SPECC1: variants seen among roughly 807,000 people sequenced by gnomAD.
SPECC1 encodes the protein sperm antigen with calponin homology and coiled-coil domains 1.
SPECC1 carries 62 observed loss-of-function variants against 104.1 expected under a neutral mutation model. The ratio of observed to expected loss-of-function variants is 0.60; its 90% CI spans 0.49 to 0.74. SPECC1 has a LOEUF of 0.74. Among genes scored for constraint, SPECC1 ranks in the 30% least tolerant of loss-of-function variants. The pLI, the probability that SPECC1 is intolerant of heterozygous loss-of-function variation, is 0.00. For synonymous variants in SPECC1, 513 were observed against 501.6 expected, an observed-to-expected ratio of 1.02 and a Z score of -0.30; for missense variants, 1,306 against 1,310.5, an observed-to-expected ratio of 1.00 and a Z score of 0.05.
chr17:20,309,137 C>T (rs993345103), intron 14 of SPECC1, among the ~76,000 whole-genome samples: 11 of 152,070 alleles, frequency 7.2e-5, no homozygotes, highest in Non-Finnish European at 1.3e-4. Context: ...AGCACTTTCC[C>T]GGCTTTTTCC....
At chr17:20,222,085 G>A (rs575392537) in intron 4 of SPECC1, among the ~76,000 whole-genome samples, 58 of 150,946 alleles carry the variant, frequency 3.8e-4, no homozygotes, top group African/African-American at 1.3e-3. Flanking sequence ...TGTAATCCCA[G>A]CGCTTTGGGA....
chr17:20,316,648 G>C lies in SPECC1; in HGVS notation c.*2583G>C, dbSNP rs750245522. On this transcript the variant is annotated 3_prime_UTR_variant, in exon 15 of 15. Coordinates refer to ENST00000395527, the MANE Select transcript of SPECC1 (RefSeq NM_001243439.2). Reference sequence around the variant, plus strand: ...GCCTCCCAAAGTGCTGGGATTACAGGCATGAGCCACTGAGCCCGGCTGTTT... The same window carrying C: ...GCCTCCCAAAGTGCTGGGATTACAGCCATGAGCCACTGAGCCCGGCTGTTT... 5.4e-6 allele frequency: 1 copy of C among 185,784 alleles called. No homozygotes were observed. Among genetic ancestry groups the C allele is most frequent in the Non-Finnish European group, 1.1e-5 (1 of 88,016 alleles). The allele number at this position is 185,784 out of a possible 1,614,324, so 11.5% of individuals were successfully genotyped here.
At chr17:20,031,460 C>CA (rs2044808912) in intron 1 of SPECC1, among the ~76,000 whole-genome samples, 1 of 152,154 alleles carries the variant, frequency 6.6e-6, no homozygotes, top group Non-Finnish European at 1.5e-5. Context: ...GCTGGGATTA[C>CA]AGGTGCCCGC....
intron 9 of SPECC1, among the ~76,000 whole-genome samples, chr17:20,249,766 G>A (rs372248037): frequency 1.3e-5 from 2 of 152,168 alleles, no homozygotes; most frequent in East Asian, 1.9e-4. Context: ...CTGAACTGAA[G>A]CACAGAGAAA....
chr17:20,025,314 A>G (rs904184521), intron 1 of SPECC1, among the ~76,000 whole-genome samples: 1 of 152,182 alleles, frequency 6.6e-6, no homozygotes, highest in African/African-American at 2.4e-5. Flanking sequence ...ATCAATTTCT[A>G]TGTTTAAGCT....
chr17:20,262,766 G>A (rs1179816520), intron 12 of SPECC1, among the ~76,000 whole-genome samples: 1 of 152,154 alleles, frequency 6.6e-6, no homozygotes, highest in Non-Finnish European at 1.5e-5. Context: ...TAGTAAATTA[G>A]CAGGGCTGGG....
At position 20,160,809 on chromosome 17, in the gene SPECC1, A is replaced by G. The variant is rs114251810; in HGVS notation, c.284-43524A>G. 4.2e-3 allele frequency among the ~76,000 whole-genome samples: 644 copies of G among 152,252 alleles called. 3 individuals are homozygous for G. Among genetic ancestry groups the G allele is most frequent in the African/African-American group, 0.014 (565 of 41,546 alleles). On this transcript the variant is annotated intron_variant, in intron 3 of 14. Transcript: ENST00000395527. ...TTGTTAGTTTTCAAGCCTCTCTACT[A>G]CTAACCTGCACTATGAAAGTTGAGG...
intron 3 of SPECC1, among the ~76,000 whole-genome samples, chr17:20,183,013 T>G (rs1256673178): frequency 6.6e-6 from 1 of 152,154 alleles, no homozygotes; most frequent in African/African-American, 2.4e-5. Flanking sequence ...GGGAAAACAT[T>G]ATAAAATATG....
intron 12 of SPECC1, among the ~76,000 whole-genome samples, chr17:20,272,073 G>C (rs1419575923): frequency 6.6e-6 from 1 of 151,262 alleles, no homozygotes; most frequent in Non-Finnish European, 1.5e-5. Context: ...GATGTGCCTT[G>C]CTCTATAGCT....
intron 10 of SPECC1, among the ~76,000 whole-genome samples, chr17:20,256,552 T>C (rs2039837132): frequency 6.6e-6 from 1 of 152,230 alleles, no homozygotes; most frequent in African/African-American, 2.4e-5. Context: ...CTTTCTTCTG[T>C]GACTATTCAC....
At chr17:20,132,164 TTTC>T (rs1256238092) in intron 3 of SPECC1, among the ~76,000 whole-genome samples, 1 of 152,198 alleles carries the variant, frequency 6.6e-6, no homozygotes, top group Non-Finnish European at 1.5e-5. Flanking sequence ...TTATGTGACT[TTTC>T]TTAGCCTGTT....
intron 4 of SPECC1, among the ~76,000 whole-genome samples, chr17:20,218,575 TTCTC>T (rs1177990663): frequency 6.6e-6 from 1 of 151,918 alleles, no homozygotes; most frequent in African/African-American, 2.4e-5. Flanking sequence ...CCCAGGCTGT[TTCTC>T]TCTCTCTTCT....
chr17:20,213,595 G>T (rs1208492960), intron 4 of SPECC1, among the ~76,000 whole-genome samples: 1 of 152,210 alleles, frequency 6.6e-6, no homozygotes, highest in Non-Finnish European at 1.5e-5. Context: ...GAAATTCACA[G>T]TGAAAACCTG....
intron 12 of SPECC1, among the ~76,000 whole-genome samples, chr17:20,286,725 C>T (rs759277099): frequency 1.3e-5 from 2 of 152,208 alleles, no homozygotes; most frequent in African/African-American, 4.8e-5. Context: ...GCTTCCTTGA[C>T]CTCTCTGGTC....
chr17:20,269,452 T>G (rs1419228865), intron 12 of SPECC1, among the ~76,000 whole-genome samples: 1 of 152,060 alleles, frequency 6.6e-6, no homozygotes, highest in Non-Finnish European at 1.5e-5. Context: ...TGAGATGGGG[T>G]TTCAGTCTTG....
At chr17:20,227,827 A>C (rs1251028839) in intron 5 of SPECC1, among the ~76,000 whole-genome samples, 3 of 152,208 alleles carry the variant, frequency 2.0e-5, no homozygotes, top group African/African-American at 7.2e-5. Flanking sequence ...AGGCAGGAGA[A>C]TCACTTGAAC....
intron 12 of SPECC1, among the ~76,000 whole-genome samples, chr17:20,288,771 C>CTTTTTT (rs60578647): frequency 1.4e-5 from 1 of 73,708 alleles, no homozygotes; most frequent in Non-Finnish European, 2.3e-5. Flanking sequence ...AAGGGCACTT[C>CTTTTTT]TTTTTTTTTT....
At chr17:20,169,228 A>G (rs867902781) in intron 3 of SPECC1, among the ~76,000 whole-genome samples, 21 of 152,326 alleles carry the variant, frequency 1.4e-4, no homozygotes, top group African/African-American at 4.6e-4. Flanking sequence ...AACCTGAGGA[A>G]GAAATAAGAA....
chr17:20,041,699 C>T lies in SPECC1; in HGVS notation c.-22+32275C>T, dbSNP rs561135909. 2.2e-5 allele frequency among the ~76,000 whole-genome samples: 3 copies of T among 138,330 alleles called. No homozygotes were observed. In the East Asian group the frequency reaches 6.5e-4, roughly 30 times the overall value. The allele number at this position is 138,330 out of a possible 152,430, so 90.7% of individuals were successfully genotyped here. On this transcript the variant is annotated intron_variant, in intron 1 of 14. Coordinates refer to ENST00000395527, the MANE Select transcript of SPECC1 (RefSeq NM_001243439.2). ...CTGGAGTGCGGTGGTGCGATCTCGGCTCACTGCTCCTCTTCCCAGGTTCAT... is the reference window on the plus strand; with the variant it reads ...CTGGAGTGCGGTGGTGCGATCTCGGTTCACTGCTCCTCTTCCCAGGTTCAT...
Sources: gnomAD v4.1 joint callset for allele counts (sites outside exome capture counted in the v4.1 genomes callset) on GRCh38, gnomAD v4.1.1 for gene constraint, MANE v1.5 for transcripts, NCBI Gene and HGNC (gene_info 2026-07-23, HGNC 2026-07-21) for gene names.